The following HCRTR2 variants were observed in gnomAD, a reference collection of about 807,000 sequenced individuals.
HCRTR2 encodes the protein orexin receptor type 2.
HCRTR2 carries 22 observed loss-of-function variants against 49.0 expected under a neutral mutation model. That is an observed-to-expected ratio of 0.45 (90% CI 0.32 to 0.64). The LOEUF is 0.64. HCRTR2 is among the 30% of genes least tolerant of loss of function. HCRTR2 has a pLI of 0.04. For missense variants in HCRTR2, 491 were observed against 559.4 expected, an observed-to-expected ratio of 0.88 and a Z score of 1.23; for synonymous variants, 236 against 205.3, an observed-to-expected ratio of 1.15 and a Z score of -1.28.
chr6:55,223,783 A>G (rs1438728416), intron 1 of HCRTR2, among the ~76,000 whole-genome samples: 1 of 152,204 alleles, frequency 6.6e-6, no homozygotes, highest in African/African-American at 2.4e-5. Flanking sequence ...CCTAGAAAAA[A>G]AAAAGTAGTT....
intron 1 of HCRTR2, among the ~76,000 whole-genome samples, chr6:55,133,255 G>A (rs765482275): frequency 3.3e-5 from 5 of 151,636 alleles, no homozygotes; most frequent in Admixed American, 6.6e-5. Context: ...CTTTGCTCTT[G>A]TTTTCAGTCC....
At chr6:55,249,087 G>C (rs1342243270) in intron 2 of HCRTR2, among the ~76,000 whole-genome samples, 4 of 151,916 alleles carry the variant, frequency 2.6e-5, no homozygotes, top group Admixed American at 6.6e-5. Flanking sequence ...GTTTGATTTT[G>C]CACAAACTTT....
At chr6:55,213,668 G>C (rs1230840981) in intron 1 of HCRTR2, among the ~76,000 whole-genome samples, 1 of 152,090 alleles carries the variant, frequency 6.6e-6, no homozygotes, top group Non-Finnish European at 1.5e-5. Flanking sequence ...CTTGGCTCCT[G>C]ACTACTTTCT....
At chr6:55,163,717 G>A (rs1764838850) in intron 1 of HCRTR2, among the ~76,000 whole-genome samples, 1 of 152,154 alleles carries the variant, frequency 6.6e-6, no homozygotes, top group African/African-American at 2.4e-5. Flanking sequence ...ATAGGCATGG[G>A]CAAACACTTC....
intron 1 of HCRTR2, among the ~76,000 whole-genome samples, chr6:55,240,965 T>C (rs572922357): frequency 6.6e-6 from 1 of 152,042 alleles, no homozygotes; most frequent in East Asian, 1.9e-4. Context: ...TTGTTTTCTT[T>C]TCTTTTTTTA....
At chr6:55,174,151 C>A, upstream of HCRTR2, 3 of 217,088 alleles carry the variant, frequency 1.4e-5, no homozygotes, top group Admixed American at 5.4e-5. Flanking sequence ...TAACTCTCAC[C>A]CCCCACCCCC....
At chr6:55,113,302 T>C (rs1581778449) in intron 1 of HCRTR2, among the ~76,000 whole-genome samples, 1 of 152,140 alleles carries the variant, frequency 6.6e-6, no homozygotes, top group Middle Eastern at 3.4e-3. Flanking sequence ...ACTAAAAAGC[T>C]ATTACACAGC....
chr6:55,217,793 T>G (rs533884533), intron 1 of HCRTR2, among the ~76,000 whole-genome samples: 66 of 152,330 alleles, frequency 4.3e-4, no homozygotes, highest in African/African-American at 1.6e-3. Flanking sequence ...TATAAGATTT[T>G]TTTTGCCTGC....
At position 55,278,132 on chromosome 6, in the gene HCRTR2, CCTGAAGTCA is replaced by C. The variant is rs1413654337; in HGVS notation, c.983+538_983+546del. 2.4e-4 allele frequency among the ~76,000 whole-genome samples: 36 copies of C among 152,260 alleles called. No individual in the cohort carries two copies. The South Asian group carries it at 3.3e-3, about 14-fold the overall frequency. Reference sequence around the variant, plus strand: ...AATGTCTAAACAGAAGAATTCATTTCCTGAAGTCACTGAATGAAGCTCAGGGCAGATAGT... The same window carrying C: ...AATGTCTAAACAGAAGAATTCATTTCCTGAATGAAGCTCAGGGCAGATAGT... On this transcript the variant is annotated intron_variant, in intron 5 of 6. Transcript: ENST00000370862.
At chr6:55,243,952 G>T (rs779900059) in intron 1 of HCRTR2, among the ~76,000 whole-genome samples, 2 of 152,058 alleles carry the variant, frequency 1.3e-5, no homozygotes, top group Admixed American at 6.6e-5. Flanking sequence ...TGGTTGACCA[G>T]TTGATTTTGG....
chr6:55,207,654 A>G (rs1765624212), intron 1 of HCRTR2, among the ~76,000 whole-genome samples: 1 of 152,200 alleles, frequency 6.6e-6, no homozygotes, highest in African/African-American at 2.4e-5. Flanking sequence ...GAACAGGCTG[A>G]AAGAATGATA....
At chr6:55,195,944 C>T (rs1031228146) in intron 1 of HCRTR2, among the ~76,000 whole-genome samples, 1 of 152,084 alleles carries the variant, frequency 6.6e-6, no homozygotes. Flanking sequence ...TGCACTCCAG[C>T]CTGGGCGACA....
At chr6:55,147,289 G>A (rs185372765) in intron 1 of HCRTR2, among the ~76,000 whole-genome samples, 38 of 152,156 alleles carry the variant, frequency 2.5e-4, no homozygotes, top group Admixed American at 3.9e-4. Flanking sequence ...CTACGTAATT[G>A]ATAAAAATAA....
intron 1 of HCRTR2, among the ~76,000 whole-genome samples, chr6:55,202,995 C>A (rs1179682044): frequency 2.0e-5 from 3 of 152,068 alleles, no homozygotes; most frequent in South Asian, 2.1e-4. Context: ...CTTCCATTAC[C>A]TTAAAAAATG....
At chr6:55,192,400 C>G (rs1765331209) in intron 1 of HCRTR2, among the ~76,000 whole-genome samples, 1 of 74,094 alleles carries the variant, frequency 1.3e-5, no homozygotes, top group Admixed American at 1.4e-4. Flanking sequence ...AACACACACA[C>G]ACGCGCGCGC....
chr6:55,136,399 G>A, intron 1 of HCRTR2, among the ~76,000 whole-genome samples: 1 of 151,980 alleles, frequency 6.6e-6, no homozygotes, highest in Non-Finnish European at 1.5e-5. Context: ...TCTAACTTTG[G>A]TCTTTTTATT....
chr6:55,258,523 C>T (rs1052181342), intron 3 of HCRTR2, among the ~76,000 whole-genome samples: 1 of 152,036 alleles, frequency 6.6e-6, no homozygotes, highest in East Asian at 1.9e-4. Flanking sequence ...TCATTATTGC[C>T]TATTACTTCT....
intron 1 of HCRTR2, among the ~76,000 whole-genome samples, chr6:55,183,636 G>A (rs1400039612): frequency 6.6e-6 from 1 of 152,072 alleles, no homozygotes; most frequent in East Asian, 1.9e-4. Flanking sequence ...ATACATGAGG[G>A]GAAAGACTAG....
At chr6:55,141,058 G>A (rs1329936194) in intron 1 of HCRTR2, among the ~76,000 whole-genome samples, 5 of 152,120 alleles carry the variant, frequency 3.3e-5, no homozygotes, top group African/African-American at 1.2e-4. Context: ...TTAGAGGCCG[G>A]GTGCGACGGC....
Sources: allele counts gnomAD v4.1 joint callset (sites outside exome capture counted in the v4.1 genomes callset), GRCh38; gene constraint gnomAD v4.1.1; transcripts MANE v1.5; gene names NCBI Gene and HGNC (gene_info 2026-07-23, HGNC 2026-07-21).